Variants in MAPK10 observed in about 807,000 individuals in gnomAD.
MAPK10 encodes mitogen-activated protein kinase 10.
A neutral mutation model predicts 59.3 loss-of-function variants in MAPK10; 25 were observed. The observed-to-expected ratio is 0.42, with a 90% CI of 0.31 to 0.59. The LOEUF (loss-of-function observed/expected upper bound fraction) is 0.59, where lower values mean the gene tolerates loss of function less well. MAPK10 is among the 20% of genes least tolerant of loss of function. MAPK10 has a pLI of 0.15. For missense variants in MAPK10, 351 were observed against 568.9 expected (o/e 0.62, Z 3.90); for synonymous variants, 190 against 200.5 (o/e 0.95, Z 0.44).
At chr4:86,567,539 G>A (rs918962618) in intron 1 of MAPK10, among the ~76,000 whole-genome samples, 1 of 152,170 alleles carries the variant, frequency 6.6e-6, no homozygotes, top group African/African-American at 2.4e-5. Context: ...TAAAGGAAAA[G>A]TAGTGCATAA....
intron 5 of MAPK10, among the ~76,000 whole-genome samples, chr4:86,104,218 A>G (rs2056117711): frequency 6.6e-6 from 1 of 152,114 alleles, no homozygotes; most frequent in Non-Finnish European, 1.5e-5. Flanking sequence ...GGAATGTTTT[A>G]TGTCTCACGT....
intron 1 of MAPK10, among the ~76,000 whole-genome samples, chr4:86,366,151 T>A (rs950771526): frequency 1.3e-5 from 2 of 152,096 alleles, no homozygotes; most frequent in African/African-American, 4.8e-5. Context: ...AAAGAGTATA[T>A]ACTATATATA....
rs2093510070 is a variant in MAPK10, at chr4:86,252,600, G to A, written c.-6-58193C>T. Among the ~76,000 whole-genome samples, 3 of 134,136 alleles carry A rather than the reference G, an allele frequency of 2.2e-5. 1 individual carries two copies. In the South Asian group the frequency reaches 7.4e-4, roughly 33 times the overall value. 88.0% of individuals were successfully genotyped at this position (134,136 alleles called of 152,430 possible). A position where few individuals can be genotyped will look rare whatever the true frequency, so the allele number is the denominator to read the frequency against. On this transcript the variant is annotated intron_variant, in intron 2 of 13. Coordinates refer to ENST00000641462, the MANE Select transcript of MAPK10 (RefSeq NM_138982.4). ...GCCTTGTAGTATAGTTTGAAGTCAGGTAGGGTGATGCCTCCAGCTTTGTTC... is the reference window on the plus strand; with the variant it reads ...GCCTTGTAGTATAGTTTGAAGTCAGATAGGGTGATGCCTCCAGCTTTGTTC...
intron 4 of MAPK10, among the ~76,000 whole-genome samples, chr4:86,133,573 T>G (rs576316436): frequency 6.6e-6 from 1 of 152,366 alleles, no homozygotes; most frequent in African/African-American, 2.4e-5. Flanking sequence ...ACTAAACTAC[T>G]TGACCTTTCT....
At chr4:86,566,608 G>A (rs997210777) in intron 1 of MAPK10, among the ~76,000 whole-genome samples, 8 of 151,892 alleles carry the variant, frequency 5.3e-5, no homozygotes, top group Non-Finnish European at 1.2e-4. Context: ...CCAGCTGCTC[G>A]GGAGGCTGGG....
intron 2 of MAPK10, among the ~76,000 whole-genome samples, chr4:86,287,620 C>T (rs909144772): frequency 3.3e-5 from 5 of 152,150 alleles, no homozygotes; most frequent in East Asian, 3.9e-4. Flanking sequence ...CATCATGCAA[C>T]TTTCATTGTT....
chr4:86,340,392 C>A, intron 2 of MAPK10: 2 of 153,258 alleles, frequency 1.3e-5, no homozygotes, highest in South Asian at 3.9e-4. Context: ...AACTTCCAGT[C>A]ATGGCAGAAG....
At chr4:86,312,912 A>G (rs1040809868) in intron 2 of MAPK10, among the ~76,000 whole-genome samples, 20 of 152,194 alleles carry the variant, frequency 1.3e-4, no homozygotes, top group African/African-American at 4.6e-4. Context: ...TTTGGCGTTG[A>G]TATTATTTAA....
chr4:86,064,504 C>A (rs1431091951), intron 10 of MAPK10, 114 bp from the exon 11 acceptor site: 9 of 958,742 alleles, frequency 9.4e-6, no homozygotes, highest in Non-Finnish European at 1.3e-5. Flanking sequence ...TTCCAAACAT[C>A]AGGTAAATCC....
chr4:86,045,588 C>T (rs1324688421), intron 11 of MAPK10, among the ~76,000 whole-genome samples: 4 of 152,104 alleles, frequency 2.6e-5, no homozygotes, highest in Non-Finnish European at 5.9e-5. Context: ...CCCTTTGAAA[C>T]TTCAAATCTG....
At chr4:86,591,161 C>T (rs965482947) in intron 1 of MAPK10, among the ~76,000 whole-genome samples, 2 of 152,176 alleles carry the variant, frequency 1.3e-5, no homozygotes, top group African/African-American at 2.4e-5. Flanking sequence ...CAGGCTCAAA[C>T]AGCCCTCCTG....
chr4:86,215,982 A>G (rs7656010), intron 2 of MAPK10, among the ~76,000 whole-genome samples: 61,889 of 151,948 alleles, frequency 0.41, 16,057 homozygotes, highest in African/African-American at 0.74. Context: ...CGTTGTTGAG[A>G]ATGTGGAGAG....
chr4:86,434,804 A>G (rs1748495373), intron 1 of MAPK10, among the ~76,000 whole-genome samples: 1 of 152,258 alleles, frequency 6.6e-6, no homozygotes, highest in African/African-American at 2.4e-5. Flanking sequence ...TATGTAGCCA[A>G]AAGAAAGGCA....
rs557115150 is a variant in MAPK10 at position 86,135,197 on chromosome 4, G to A, written c.236+24101C>T. On this transcript the variant is annotated intron_variant, in intron 4 of 13. Transcript: ENST00000641462. ...GTGGAGCCCACCACAGCTCAAGGAG[G>A]CCTGCCTGCCTCTGGAGGCTCCACC... is the stretch of plus-strand genomic sequence containing the variant. Among the ~76,000 whole-genome samples the A allele has an allele frequency of 1.5e-4, 23 of 152,342 alleles. No individual in the cohort carries two copies. The East Asian group carries it at 3.7e-3, about 24-fold the overall frequency.
rs553278148 is a variant in MAPK10, at chr4:86,225,948, A to G, written c.-6-31541T>C. Among the ~76,000 whole-genome samples, 11 of 152,352 alleles carry G rather than the reference A, an allele frequency of 7.2e-5. No individual in the cohort carries two copies. In the South Asian group the frequency reaches 2.1e-3, roughly 29 times the overall value. On this transcript the variant is annotated intron_variant, in intron 2 of 13. Coordinates refer to ENST00000641462, the MANE Select transcript of MAPK10 (RefSeq NM_138982.4). ...GACATGGACATGGACATGCACATTC[A>G]TATACATTTAGAAAAAGAAAGTAGA...
At chr4:86,471,261 T>C (rs1182732731) in intron 1 of MAPK10, among the ~76,000 whole-genome samples, 2 of 133,254 alleles carry the variant, frequency 1.5e-5, no homozygotes, top group Non-Finnish European at 3.1e-5. Flanking sequence ...ACAGCAAGAC[T>C]CTGTGCCCCC....
intron 3 of MAPK10, chr4:86,160,239 A>G (rs1233095801): frequency 6.6e-6 from 1 of 151,992 alleles, no homozygotes; most frequent in Non-Finnish European, 1.5e-5. Flanking sequence ...TAATATAAAT[A>G]TCCATTACCT....
intron 2 of MAPK10, among the ~76,000 whole-genome samples, chr4:86,218,794 T>A (rs1166136804): frequency 6.6e-6 from 1 of 152,168 alleles, no homozygotes; most frequent in Non-Finnish European, 1.5e-5. Flanking sequence ...AACGATATAA[T>A]GAGCAGAATA....
At chr4:86,456,563 T>C (rs1322432303), upstream of MAPK10, among the ~76,000 whole-genome samples, 1 of 151,912 alleles carries the variant, frequency 6.6e-6, no homozygotes, top group Non-Finnish European at 1.5e-5. Flanking sequence ...CTAAAAGAGA[T>C]GGATAAATTC....
Sources: allele counts gnomAD v4.1 joint callset (sites outside exome capture counted in the v4.1 genomes callset), GRCh38; gene constraint gnomAD v4.1.1; transcripts MANE v1.5; gene names NCBI Gene and HGNC (gene_info 2026-07-23, HGNC 2026-07-21).